CACNA1G: variants seen among roughly 807,000 people sequenced by gnomAD.
CACNA1G encodes the protein voltage-dependent T-type calcium channel subunit alpha-1G.
Under a neutral mutation model 219.4 loss-of-function variants are expected in CACNA1G, and 67 were observed. The observed-to-expected ratio is 0.31, with a 90% CI of 0.25 to 0.37. The LOEUF (loss-of-function observed/expected upper bound fraction) is 0.37. Among genes scored for constraint, CACNA1G ranks in the 10% least tolerant of loss-of-function variants. CACNA1G has a pLI of 1.00. For synonymous variants in CACNA1G, 1,296 were observed against 1,345.3 expected (o/e 0.96, Z 0.80); for missense variants, 2,380 against 3,231.4 (o/e 0.74, Z 6.39).
chr17:50,596,210 A>G lies in CACNA1G; in HGVS notation c.2980-352A>G, dbSNP rs2045507709. ...CAAGAGAGGCTCTAGTGACCACTTC[A>G]CTCAGGTCCCCAGGTCCCCAGCCCC... On this transcript the variant is annotated intron_variant, in intron 14 of 37. Coordinates refer to ENST00000359106, the MANE Select transcript of CACNA1G (RefSeq NM_018896.5). The surrounding 1 kb of genome is among the most constrained non-coding windows in gnomAD (Gnocchi z 4.8). Among the ~76,000 whole-genome samples the G allele has an allele frequency of 6.6e-6, 1 of 152,076 alleles. No individual in the cohort carries two copies. The highest frequency in any genetic ancestry group is 2.1e-4 in the South Asian group (1 of 4,824).
At chr17:50,616,148 A>T in intron 27 of CACNA1G, 127 bp from the exon 28 acceptor site, 1 of 614,208 alleles carries the variant, frequency 1.6e-6, no homozygotes, top group South Asian at 2.1e-5. Context: ...CATGATGGGA[A>T]CAGAGAAGAC....
intron 34 of CACNA1G, among the ~76,000 whole-genome samples, chr17:50,620,168 G>A (rs2051473947): frequency 6.6e-6 from 1 of 152,148 alleles, no homozygotes; most frequent in South Asian, 2.1e-4. Context: ...AGGGGGTGGA[G>A]GGAAGGAGGT....
intron 8 of CACNA1G, among the ~76,000 whole-genome samples, chr17:50,577,080 T>C (rs563160399): frequency 2.2e-4 from 34 of 152,358 alleles, no homozygotes; most frequent in African/African-American, 3.4e-4. Flanking sequence ...TACGTGGGAA[T>C]GTGGGCTGGG....
chr17:50,608,604 C>T (rs2048471160), intron 25 of CACNA1G, among the ~76,000 whole-genome samples: 1 of 151,930 alleles, frequency 6.6e-6, no homozygotes, highest in African/African-American at 2.4e-5. Flanking sequence ...AAAGAAAACT[C>T]CCCTTGGCTT....
At chr17:50,588,117 T>C (rs1202596388) in intron 9 of CACNA1G, among the ~76,000 whole-genome samples, 1 of 152,232 alleles carries the variant, frequency 6.6e-6, no homozygotes, top group African/African-American at 2.4e-5. Context: ...CCATGAAATT[T>C]GCCCATTATA....
chr17:50,624,336 T>TCCCCCCCCCCCCCCCCCC, intron 36 of CACNA1G, 24 bp from the exon 37 acceptor site: 1 of 717,778 alleles, frequency 1.4e-6, no homozygotes. Context: ...CCCCCACCCC[T>TCCCCCCCCCCCCCCCCCC]CCCCCGCTTC....
intron 36 of CACNA1G, 25 bp from the exon 37 acceptor site, chr17:50,624,335 C>CCCCCCCCCG: frequency 4.4e-6 from 6 of 1,366,008 alleles, no homozygotes; most frequent in Non-Finnish European, 5.1e-6. Context: ...CCCCCCACCC[C>CCCCCCCCCG]TCCCCCGCTT....
intron 23 of CACNA1G, among the ~76,000 whole-genome samples, chr17:50,606,644 C>T (rs1345125351): frequency 3.3e-5 from 5 of 152,170 alleles, no homozygotes; most frequent in Non-Finnish European, 5.9e-5. Flanking sequence ...TTCTGGATTT[C>T]CAGGGTTTTT....
In CACNA1G at chr17:50,626,507, G is replaced by A. The variant is rs868418628; in HGVS notation, c.6890G>A (p.Gly2297Glu). The A allele has an allele frequency of 6.3e-7, 1 of 1,578,838 alleles. No individual in the cohort carries two copies. The highest frequency in any genetic ancestry group is 8.6e-7 in the Non-Finnish European group (1 of 1,164,294). ...PSNLGGQPLG[G>E]PGSRPKKKLS... ...AACCTTGGGGGCCAGCCTCTTGGGGGGCCTGGGAGCCGGCCCAAGAAAAAA... is the reference window on the plus strand; with the variant it reads ...AACCTTGGGGGCCAGCCTCTTGGGGAGCCTGGGAGCCGGCCCAAGAAAAAA... The change falls in exon 38 of 38, where the codon GGG becomes GAG. Residue 2297 changes from glycine (G) to glutamate (E), a missense_variant. By Grantham distance (98) the Gly-to-Glu change is moderately conservative (BLOSUM62 -2). Around this residue, in one of 17 missense-constraint regions of CACNA1G, gnomAD observed 672 missense variants for 670.5 expected, o/e 1.00. Coordinates refer to ENST00000359106, the MANE Select transcript of CACNA1G (RefSeq NM_018896.5). This position sits in a 1 kb window ranked among gnomAD's most constrained non-coding sequence, Gnocchi z 4.3.
chr17:50,563,417 G>A (rs1373193287), intron 1 of CACNA1G: 3 of 152,208 alleles, frequency 2.0e-5, no homozygotes, highest in African/African-American at 7.2e-5. Context: ...GATGGGTTCC[G>A]AGCAACTCTC....
At chr17:50,576,421 G>A in intron 8 of CACNA1G, 95 bp downstream of exon 8, 1 of 1,228,468 alleles carries the variant, frequency 8.1e-7, no homozygotes, top group Non-Finnish European at 1.2e-6. Context: ...GAGGGACCAG[G>A]GCTTATATTC....
rs1486808527 is a variant in CACNA1G, at chr17:50,561,301, G to A, written c.-159G>A. 2 of 803,678 alleles carry A rather than the reference G, an allele frequency of 2.5e-6. No individual in the cohort carries two copies. Among genetic ancestry groups the A allele is most frequent in the Non-Finnish European group, 3.8e-6 (2 of 531,828 alleles). The allele number at this position is 803,678 out of a possible 1,614,324, so 49.8% of individuals were successfully genotyped here. A position where few individuals can be genotyped will look rare whatever the true frequency, so the allele number is the denominator to read the frequency against. ...GCGGGCAGCATGCCCCTGCGGGCAG[G>A]GGGAGCTGGGCTGAACTGGCCCTCC... On this transcript the variant is annotated 5_prime_UTR_variant, in exon 1 of 38. Coordinates refer to ENST00000359106, the MANE Select transcript of CACNA1G (RefSeq NM_018896.5).
chr17:50,618,215 C>T lies in CACNA1G; in HGVS notation c.5306-7C>T, dbSNP rs760706695. ...ATGGGCCTCTCCCCCTTTCCCTCCT[C>T]CCCCAGAGTGTGACGAGACACACCC... On this transcript the variant is annotated splice_region_variant and splice_polypyrimidine_tract_variant and intron_variant, in intron 31 of 37. Coordinates refer to ENST00000359106, the MANE Select transcript of CACNA1G (RefSeq NM_018896.5). This position sits in a 1 kb window ranked among gnomAD's most constrained non-coding sequence, Gnocchi z 5.3. The T allele has an allele frequency of 1.9e-6, 3 of 1,613,358 alleles. No individual in the cohort carries two copies. The highest frequency in any genetic ancestry group is 2.7e-5 in the African/African-American group (2 of 74,892).
intron 5 of CACNA1G, 132 bp downstream of exon 5, chr17:50,572,169 G>A (rs1243609823): frequency 9.2e-7 from 1 of 1,091,374 alleles, no homozygotes; most frequent in African/African-American, 1.6e-5. Context: ...TCTCAAACTT[G>A]GCTACCCATT....
chr17:50,565,483 A>G (rs754734135), intron 1 of CACNA1G, among the ~76,000 whole-genome samples: 1 of 151,320 alleles, frequency 6.6e-6, no homozygotes, highest in Non-Finnish European at 1.5e-5. Context: ...TCCGATAGAC[A>G]CCAGGAGCCT....
rs1182384089 is a variant in CACNA1G at position 50,590,742 on chromosome 17, C to T, written c.2453+120C>T. Reference sequence around the variant, plus strand: ...GGGGTCTGGAGTCAGGCCCCACTGACCCCACAGGACCTGCCACTCCTCCTA... The same window carrying T: ...GGGGTCTGGAGTCAGGCCCCACTGATCCCACAGGACCTGCCACTCCTCCTA... On this transcript the variant is annotated intron_variant, in intron 10 of 37. Coordinates refer to ENST00000359106, the MANE Select transcript of CACNA1G (RefSeq NM_018896.5). 11 of 828,348 alleles carry T rather than the reference C, an allele frequency of 1.3e-5. No individual in the cohort carries two copies. In the Admixed American group the frequency reaches 1.7e-4, roughly 13 times the overall value. The allele number at this position is 828,348 out of a possible 1,614,324, so 51.3% of individuals were successfully genotyped here. A position where few individuals can be genotyped will look rare whatever the true frequency, so the allele number is the denominator to read the frequency against.
chr17:50,604,085 G>A, intron 21 of CACNA1G, 70 bp from the exon 22 acceptor site: 3 of 1,507,598 alleles, frequency 2.0e-6, no homozygotes, highest in Admixed American at 1.9e-5. Context: ...GGGGTGGGGA[G>A]CAGGGTCAAG....
At chr17:50,622,610 T>C (rs2052434794) in intron 35 of CACNA1G, among the ~76,000 whole-genome samples, 1 of 152,090 alleles carries the variant, frequency 6.6e-6, no homozygotes, top group Non-Finnish European at 1.5e-5. Flanking sequence ...GCTATTTAAC[T>C]GGCTGGGCCT....
intron 9 of CACNA1G, among the ~76,000 whole-genome samples, chr17:50,583,309 A>C (rs886495): frequency 0.44 from 67,059 of 151,868 alleles, 15,920 homozygotes; most frequent in East Asian, 0.91. Context: ...GGAGAGGGGC[A>C]TTGTTTTGGA....
Sources: allele counts gnomAD v4.1 joint callset (sites outside exome capture counted in the v4.1 genomes callset), GRCh38; gene constraint gnomAD v4.1.1; regional missense constraint gnomAD v4.1.1; non-coding constraint Gnocchi (gnomAD v3.1); transcripts MANE v1.5; gene names NCBI Gene and HGNC (gene_info 2026-07-23, HGNC 2026-07-21).